Variants in ZCCHC8 observed in about 807,000 individuals in gnomAD.
The protein encoded by ZCCHC8 is zinc finger CCHC-type containing 8.
Under a neutral mutation model 70.6 loss-of-function variants are expected in ZCCHC8, and 27 were observed. The ratio of observed to expected loss-of-function variants is 0.38; its 90% CI spans 0.28 to 0.53. The LOEUF is 0.53. Ranked by LOEUF, ZCCHC8 falls within the 20% of genes least tolerant of loss-of-function variation. The pLI is 0.81. For missense variants in ZCCHC8, 737 were observed against 876.9 expected, an observed-to-expected ratio of 0.84 and a Z score of 2.01; for synonymous variants, 293 against 317.4, an observed-to-expected ratio of 0.92 and a Z score of 0.82.
intron 4 of ZCCHC8, 30 bp downstream of exon 4, chr12:122,490,432 T>A: frequency 6.4e-7 from 1 of 1,550,730 alleles, no homozygotes; most frequent in Non-Finnish European, 8.9e-7. Context: ...CATAACTTAC[T>A]AATCTTAAAG....
Position 122,473,774 on chromosome 12 carries a change from G to C in ZCCHC8, c.1847C>G (p.Pro616Arg), listed in dbSNP as rs748027224. The change falls in exon 14 of 14, where the codon CCG (proline) becomes CGG (arginine). Residue 616 changes from proline to arginine, a missense_variant. Physicochemically the swap from Pro to Arg is moderately radical, Grantham distance 103 (BLOSUM62 -2). Coordinates refer to ENST00000633063, the MANE Select transcript of ZCCHC8 (RefSeq NM_017612.5). Reference sequence around the variant, plus strand: ...AAGAAGGGCACCTTCAGTGTTTACCGGAGCCAACTCTGCTTTTTCCTTCTG... The same window carrying C: ...AAGAAGGGCACCTTCAGTGTTTACCCGAGCCAACTCTGCTTTTTCCTTCTG... ...LCQKEKAELA[P>R]VNTEGALLDN... 1.9e-6 allele frequency: 3 copies of C among 1,613,082 alleles called. No individual in the cohort carries two copies. The highest frequency in any genetic ancestry group is 2.5e-6 in the Non-Finnish European group (3 of 1,179,226).
intron 12 of ZCCHC8, 40 bp downstream of exon 12, chr12:122,478,166 C>A (rs767793042): frequency 7.4e-6 from 11 of 1,485,918 alleles, no homozygotes; most frequent in Non-Finnish European, 1.0e-5. Context: ...CTCGCAGACA[C>A]AACAACATTT....
Position 122,483,374 on chromosome 12 carries a change from T to C in ZCCHC8, c.606-30A>G, listed in dbSNP as rs747743633. 1 of 1,578,448 alleles carries C rather than the reference T, an allele frequency of 6.3e-7. No homozygotes were observed. Among genetic ancestry groups the C allele is most frequent in the East Asian group, 2.3e-5 (1 of 43,772 alleles). On this transcript the variant is annotated intron_variant, in intron 6 of 13. Transcript: ENST00000633063. The surrounding 1 kb of genome is among the most constrained non-coding windows in gnomAD (Gnocchi z 4.4). ...AGTGAATTTTATTAAGGAATAGTTA[T>C]CATGGTCTGCAAAATTTGGAAATTG...
At chr12:122,491,192 T>C (rs1297923070) in intron 3 of ZCCHC8, 2 of 152,284 alleles carry the variant, frequency 1.3e-5, no homozygotes, top group African/African-American at 4.8e-5. Flanking sequence ...CCAAGCCTTA[T>C]TACCATGTAA....
chr12:122,473,962 G>A lies in ZCCHC8; in HGVS notation c.1659C>T (p.Ser553=), dbSNP rs1381012263. 5.6e-6 allele frequency: 9 copies of A among 1,605,956 alleles called. No homozygotes were observed. Among genetic ancestry groups the A allele is most frequent in the East Asian group, 4.5e-5 (2 of 44,868 alleles). The change falls in exon 14 of 14, where the codon TCC becomes TCT. Residue 553 remains serine (S), a synonymous_variant. Coordinates refer to ENST00000633063, the MANE Select transcript of ZCCHC8 (RefSeq NM_017612.5). ...VPVDTPLTGN[S]VASSPCPNEL... ...CATTTGGACAAGGTGATGAGGCAAC[G>A]GAATTGCCAGTTAAAGGTGTGTCCA...
In ZCCHC8 at chr12:122,474,025, C is replaced by T; in HGVS notation, c.1596G>A (p.Glu532=). 1 of 1,544,710 alleles carries T rather than the reference C, an allele frequency of 6.5e-7. No homozygotes were observed. Among genetic ancestry groups the T allele is most frequent in the Non-Finnish European group, 8.7e-7 (1 of 1,148,908 alleles). The change falls in exon 14 of 14, where the codon GAG becomes GAA. Residue 532 remains glutamate, a synonymous_variant. Transcript: ENST00000633063. ...AGTCGCTGTTTACGCTCTCGGCCTG[C>T]TCAAGAGCTGCCCAGATCCGCCTCT... The part of the protein sequence containing the change: ...EQQRRIWAAL[E]QAESVNSDSD...
At position 122,500,193 on chromosome 12, in the gene ZCCHC8, G is replaced by T. The variant is rs1373790685; in HGVS notation, c.199+449C>A. 1 of 165,118 alleles carries T rather than the reference G, an allele frequency of 6.1e-6. No homozygotes were observed. Among genetic ancestry groups the T allele is most frequent in the Non-Finnish European group, 1.3e-5 (1 of 76,050 alleles). The allele number at this position is 165,118 out of a possible 1,614,324, so 10.2% of individuals were successfully genotyped here. On this transcript the variant is annotated intron_variant, in intron 1 of 13. Coordinates refer to ENST00000633063, the MANE Select transcript of ZCCHC8 (RefSeq NM_017612.5). The surrounding 1 kb of genome is among the most constrained non-coding windows in gnomAD (Gnocchi z 4.8). The stretch of plus-strand genomic sequence containing the variant: ...AACTCTGCATTCTGGGACCACTAGC[G>T]TTTGCCCCGGTATAAAAACCGATCC...
At position 122,483,508 on chromosome 12, in the gene ZCCHC8, G is replaced by T; in HGVS notation, c.557C>A (p.Pro186Gln). Residue 186 changes from proline (P) to glutamine (Q), a missense_variant, in exon 6 of 14, where the codon CCG becomes CAG. Transcript: ENST00000633063. This position sits in a 1 kb window ranked among gnomAD's most constrained non-coding sequence, Gnocchi z 4.4. ...TNFCLDKLGQ[P>Q]LLNENPQLSE... ...AAGCTGAGGGTTTTCATTTAGAAGC[G>T]GTTGCCCCAATTTATCAAGGCAAAA... 6.3e-7 allele frequency: 1 copy of T among 1,596,114 alleles called. No individual in the cohort carries two copies. The highest frequency in any genetic ancestry group is 8.5e-7 in the Non-Finnish European group (1 of 1,170,242).
intron 11 of ZCCHC8, among the ~76,000 whole-genome samples, chr12:122,479,143 T>C (rs1304279089): frequency 6.6e-6 from 1 of 152,240 alleles, no homozygotes; most frequent in Non-Finnish European, 1.5e-5. Flanking sequence ...TGGCACGATC[T>C]CGGCTCACTG....
chr12:122,488,397 C>A (rs1216246141), intron 5 of ZCCHC8, among the ~76,000 whole-genome samples: 3 of 151,938 alleles, frequency 2.0e-5, no homozygotes, highest in Non-Finnish European at 4.4e-5. Flanking sequence ...CCAGGCTAGT[C>A]TGGAACTCCT....
At chr12:122,481,765 C>A (rs186788133) in intron 9 of ZCCHC8, 101 bp from the exon 10 acceptor site, 419 of 1,400,156 alleles carry the variant, frequency 3.0e-4, no homozygotes, top group Non-Finnish European at 3.9e-4. Context: ...ATATTACATA[C>A]CATGACGTCT....
chr12:122,483,605 A>G lies in ZCCHC8; in HGVS notation c.502-42T>C. 1 of 1,372,052 alleles carries G rather than the reference A, an allele frequency of 7.3e-7. No individual in the cohort carries two copies. Among genetic ancestry groups the G allele is most frequent in the Non-Finnish European group, 1.0e-6 (1 of 989,542 alleles). 85.0% of individuals were successfully genotyped at this position (1,372,052 alleles called of 1,614,324 possible). A position where few individuals can be genotyped will look rare whatever the true frequency, so the allele number is the denominator to read the frequency against. On this transcript the variant is annotated intron_variant, in intron 5 of 13. Coordinates refer to ENST00000633063, the MANE Select transcript of ZCCHC8 (RefSeq NM_017612.5). This position sits in a 1 kb window ranked among gnomAD's most constrained non-coding sequence, Gnocchi z 4.4. ...AAAAAATATTGCTATTTAAGCAGAA[A>G]AAAAGACATTAAATAATGTAAGATT...
At chr12:122,491,348 G>C (rs1566301005) in intron 3 of ZCCHC8, among the ~76,000 whole-genome samples, 2 of 152,088 alleles carry the variant, frequency 1.3e-5, no homozygotes, top group African/African-American at 4.8e-5. Flanking sequence ...GGCCAACATG[G>C]CGAAACCCTG....
chr12:122,490,411 G>T, intron 4 of ZCCHC8, 51 bp downstream of exon 4: 2 of 1,354,780 alleles, frequency 1.5e-6, no homozygotes, highest in Middle Eastern at 1.8e-4. Flanking sequence ...CCAATAATTG[G>T]CAGTGAAACG....
intron 5 of ZCCHC8, among the ~76,000 whole-genome samples, chr12:122,485,990 A>G (rs1957629683): frequency 6.6e-6 from 1 of 152,256 alleles, no homozygotes; most frequent in Admixed American, 6.5e-5. Flanking sequence ...TCTCAGCAGC[A>G]CCACTCTCAC....
intron 10 of ZCCHC8, 43 bp from the exon 11 acceptor site, chr12:122,480,354 T>A (rs1421953439): frequency 6.5e-7 from 1 of 1,530,478 alleles, no homozygotes. Flanking sequence ...TAAATGTCAA[T>A]ATATATCCCT....
rs781567724 is a variant in ZCCHC8, at chr12:122,477,847, C to T, written c.1339G>A (p.Asp447Asn). 12 of 1,607,458 alleles carry T rather than the reference C, an allele frequency of 7.5e-6. No individual in the cohort carries two copies. Among genetic ancestry groups the T allele is most frequent in the African/African-American group, 5.4e-5 (4 of 74,626 alleles). ...GCCATAGGATGAAACCTACCTGAAT[C>T]GAGCTCCATGTCGGCGGGAGATCCC... ...SAGSPADMEL[D>N]SDMEVPHGSQ... The change falls in exon 13 of 14, where the codon GAT becomes AAT. Residue 447 changes from aspartate to asparagine, a missense_variant. By Grantham distance (23) the Asp-to-Asn change is conservative. Coordinates refer to ENST00000633063, the MANE Select transcript of ZCCHC8 (RefSeq NM_017612.5).
At chr12:122,477,620 TAA>T (rs199529321) in intron 13 of ZCCHC8, among the ~76,000 whole-genome samples, 1 of 138,820 alleles carries the variant, frequency 7.2e-6, no homozygotes, top group African/African-American at 2.6e-5. Context: ...CTGTCTCTAC[TAA>T]AAAAAAAAAA....
chr12:122,481,494 G>C (rs1231637731), intron 10 of ZCCHC8, 28 bp downstream of exon 10: 4 of 1,563,780 alleles, frequency 2.6e-6, no homozygotes, highest in Non-Finnish European at 3.5e-6. Flanking sequence ...AACACTTAAG[G>C]TGACTTCTCT....
Sources: allele counts gnomAD v4.1 joint callset (sites outside exome capture counted in the v4.1 genomes callset), GRCh38; gene constraint gnomAD v4.1.1; non-coding constraint Gnocchi (gnomAD v3.1); transcripts MANE v1.5; gene names NCBI Gene and HGNC (gene_info 2026-07-23, HGNC 2026-07-21).